The following CREBBP variants were observed in gnomAD, a reference collection of about 807,000 sequenced individuals.
CREBBP encodes the protein CREB binding lysine acetyltransferase, also known as CREB-binding protein.
In CREBBP, 19 loss-of-function variants were observed where a neutral mutation model predicts 265.0. The ratio of observed to expected loss-of-function variants is 0.07; its 90% CI spans 0.05 to 0.11. The LOEUF is 0.11. Ranked by LOEUF, CREBBP falls within the 10% of genes least tolerant of loss-of-function variation. CREBBP has a pLI of 1.00. For synonymous variants in CREBBP, 1,457 were observed against 1,223.7 expected (o/e 1.19, Z -3.98); for missense variants, 2,525 against 3,219.0 (o/e 0.78, Z 5.22).
intron 5 of CREBBP, among the ~76,000 whole-genome samples, chr16:3,786,370 CA>C (rs2053387794): frequency 6.6e-6 from 1 of 151,852 alleles, no homozygotes; most frequent in South Asian, 2.1e-4. Context: ...TCTCAAAAAA[CA>C]AAAGAAAAAA....
intron 1 of CREBBP, among the ~76,000 whole-genome samples, chr16:3,871,057 AAAAG>A (rs1338988566): frequency 1.3e-5 from 2 of 151,722 alleles, no homozygotes; most frequent in Non-Finnish European, 2.9e-5. Context: ...GAAAGAGAAA[AAAAG>A]AAGGAAGGAA....
intron 24 of CREBBP, 116 bp from the exon 25 acceptor site, chr16:3,739,840 C>G: frequency 1.4e-6 from 2 of 1,430,930 alleles, no homozygotes; most frequent in South Asian, 1.2e-5. Context: ...GCATGGCCAC[C>G]TCCTCAGACC....
chr16:3,784,712 T>A (rs913626634), intron 5 of CREBBP, among the ~76,000 whole-genome samples: 1 of 152,224 alleles, frequency 6.6e-6, no homozygotes, highest in African/African-American at 2.4e-5. Flanking sequence ...AAACCCTTTA[T>A]TGACTTCTTC....
At chr16:3,849,191 C>CTTCAGT (rs1474625995) in intron 2 of CREBBP, among the ~76,000 whole-genome samples, 1 of 148,402 alleles carries the variant, frequency 6.7e-6, no homozygotes, top group African/African-American at 2.5e-5. Context: ...GTGTTTGTCA[C>CTTCAGT]TTCAGTGGGA....
chr16:3,814,164 AGTGTGTGT>A (rs35866243), intron 2 of CREBBP, among the ~76,000 whole-genome samples: 94 of 119,764 alleles, frequency 7.8e-4, no homozygotes, highest in African/African-American at 2.2e-3. Flanking sequence ...AATGTTGTTT[AGTGTGTGT>A]GTGTGTGTGT....
At chr16:3,796,409 G>A (rs950441149) in intron 3 of CREBBP, among the ~76,000 whole-genome samples, 14 of 145,664 alleles carry the variant, frequency 9.6e-5, no homozygotes, top group Non-Finnish European at 1.5e-4. Flanking sequence ...TTTTTGAGAC[G>A]GGAGTCTCAC....
chr16:3,729,010 T>A lies in CREBBP; in HGVS notation c.6037A>T (p.Met2013Leu). Reference protein sequence around the residue: ...PRPNQVSGPVMPSMPPGQWQQ... With the variant: ...PRPNQVSGPVLPSMPPGQWQQ... Reference sequence around the variant, plus strand: ...CACTGCCCGGGAGGCATGCTGGGCATGACGGGCCCGCTCACCTGGTTGGGT... The same window carrying A: ...CACTGCCCGGGAGGCATGCTGGGCAAGACGGGCCCGCTCACCTGGTTGGGT... The change falls in exon 31 of 31, where the codon ATG (methionine) becomes TTG (leucine). Residue 2013 changes from methionine (M) to leucine (L), a missense_variant. By Grantham distance (15) the Met-to-Leu change is conservative. Transcript: ENST00000262367. The A allele has an allele frequency of 6.3e-7, 1 of 1,592,870 alleles. No individual in the cohort carries two copies.
At chr16:3,804,672 T>G (rs2053793501) in intron 3 of CREBBP, among the ~76,000 whole-genome samples, 1 of 152,266 alleles carries the variant, frequency 6.6e-6, no homozygotes, top group South Asian at 2.1e-4. Flanking sequence ...ACTTCATTTC[T>G]CAGAAATGCC....
intron 26 of CREBBP, among the ~76,000 whole-genome samples, chr16:3,737,292 G>T (rs7186874): frequency 0.15 from 22,137 of 151,970 alleles, 4,188 homozygotes; most frequent in African/African-American, 0.43. Context: ...AGAAACCAAG[G>T]GCTAGAGAAG....
intron 23 of CREBBP, chr16:3,742,689 G>C (rs2052246215): frequency 6.6e-6 from 1 of 152,136 alleles, no homozygotes; most frequent in Non-Finnish European, 1.5e-5. Flanking sequence ...ATGCGAAGGA[G>C]ATGGTTTTCA....
chr16:3,805,617 G>T (rs2053813315), intron 3 of CREBBP, among the ~76,000 whole-genome samples: 1 of 152,176 alleles, frequency 6.6e-6, no homozygotes, highest in African/African-American at 2.4e-5. Flanking sequence ...CTCCCTCAAT[G>T]ATCACAATCT....
At position 3,865,205 on chromosome 16, in the gene CREBBP, A is replaced by G. The variant is rs565299563; in HGVS notation, c.86-14196T>C. 5.3e-5 allele frequency among the ~76,000 whole-genome samples: 8 copies of G among 152,380 alleles called. No homozygotes were observed. In the East Asian group the frequency reaches 1.5e-3, roughly 29 times the overall value. On this transcript the variant is annotated intron_variant, in intron 1 of 30. Coordinates refer to ENST00000262367, the MANE Select transcript of CREBBP (RefSeq NM_004380.3). ...AAAACTATAAATGCATATGCCTTTT[A>G]ACCACTAATTCTATTTCTATGAATC...
intron 3 of CREBBP, among the ~76,000 whole-genome samples, chr16:3,796,073 C>T (rs1166857967): frequency 6.6e-6 from 1 of 152,050 alleles, no homozygotes; most frequent in Non-Finnish European, 1.5e-5. Flanking sequence ...CCTGACACTA[C>T]CTTGTTGAAG....
chr16:3,819,045 G>C (rs544684450), intron 2 of CREBBP, among the ~76,000 whole-genome samples: 9 of 152,358 alleles, frequency 5.9e-5, no homozygotes, highest in Non-Finnish European at 7.3e-5. Flanking sequence ...CCAGTAGCCG[G>C]GACAGAGACA....
chr16:3,869,945 G>A (rs1303296556), intron 1 of CREBBP, among the ~76,000 whole-genome samples: 1 of 152,148 alleles, frequency 6.6e-6, no homozygotes, highest in Non-Finnish European at 1.5e-5. Flanking sequence ...TCAACTACGG[G>A]CAGGTGTGCT....
chr16:3,768,137 T>G (rs951247213), intron 15 of CREBBP, among the ~76,000 whole-genome samples: 1 of 49,472 alleles, frequency 2.0e-5, no homozygotes, highest in Non-Finnish European at 3.6e-5. Flanking sequence ...TTTAAAAGTG[T>G]TTTTTTTTTT....
Position 3,778,832 on chromosome 16 carries a change from CATCT to C in CREBBP, c.1824-19_1824-16del, listed in dbSNP as rs774581129. 1.7e-5 allele frequency: 28 copies of C among 1,606,334 alleles called. No homozygotes were observed. Among genetic ancestry groups the C allele is most frequent in the African/African-American group, 2.7e-5 (2 of 74,706 alleles). On this transcript the variant is annotated splice_polypyrimidine_tract_variant and intron_variant, in intron 8 of 30. Transcript: ENST00000262367. Reference sequence around the variant, plus strand: ...TGGCTTGGACGCTGAAAGGATAACACATCTATCAAACTACTTTTTTTTTTCTTCT... The same window carrying C: ...TGGCTTGGACGCTGAAAGGATAACACATCAAACTACTTTTTTTTTTCTTCT...
At chr16:3,799,062 G>A (rs776414646) in intron 3 of CREBBP, among the ~76,000 whole-genome samples, 37 of 152,160 alleles carry the variant, frequency 2.4e-4, no homozygotes, top group Non-Finnish European at 1.3e-4. Context: ...CGTAAAAGAA[G>A]CCAGTCACAA....
At chr16:3,778,664 G>T in intron 9 of CREBBP, 36 bp downstream of exon 9, 2 of 1,437,236 alleles carry the variant, frequency 1.4e-6, no homozygotes, top group Non-Finnish European at 2.0e-6. Context: ...TACTACAGAT[G>T]CTGTAGAGGC....
Sources: gnomAD v4.1 joint callset for allele counts (sites outside exome capture counted in the v4.1 genomes callset) on GRCh38, gnomAD v4.1.1 for gene constraint, MANE v1.5 for transcripts, NCBI Gene and HGNC (gene_info 2026-07-23, HGNC 2026-07-21) for gene names.